The following MRM2 variants were observed in gnomAD, a reference collection of about 807,000 sequenced individuals.
The protein encoded by MRM2 is rRNA methyltransferase 2, mitochondrial.
MRM2 carries 15 observed loss-of-function variants against 10.9 expected under a neutral mutation model. The ratio of observed to expected loss-of-function variants is 1.37; its 90% CI spans 0.92 to 2.11. MRM2 has a LOEUF of 2.11. Among genes scored for constraint, MRM2 ranks in the 30% most tolerant of loss-of-function variants. The probability of loss-of-function intolerance (pLI) is 0.00; values close to 1 mark genes in which losing one functional copy is unlikely to be tolerated. For synonymous variants in MRM2, 139 were observed against 128.7 expected, an observed-to-expected ratio of 1.08 and a Z score of -0.54; for missense variants, 328 against 321.3, an observed-to-expected ratio of 1.02 and a Z score of -0.16.
Position 2,242,183 on chromosome 7 carries a change from G to C in MRM2, c.-14C>G. 9 of 1,579,608 alleles carry C rather than the reference G, an allele frequency of 5.7e-6. No homozygotes were observed. The highest frequency in any genetic ancestry group is 7.7e-6 in the Non-Finnish European group (9 of 1,168,240). On this transcript the variant is annotated 5_prime_UTR_variant, in exon 1 of 3. Transcript: ENST00000242257. ...TCACCCCGCCATTGGTGTTCCCCGC[G>C]CCTGCAGCGCGCCGCCGGAAGTGCC...
chr7:2,239,367 C>T, intron 2 of MRM2, 51 bp downstream of exon 2: 1 of 1,558,472 alleles, frequency 6.4e-7, no homozygotes, highest in East Asian at 2.3e-5. Context: ...TGCCCATGCC[C>T]ACTCAGCCTC....
Position 2,235,041 on chromosome 7 carries a change from C to A in MRM2, c.*81G>T. On this transcript the variant is annotated 3_prime_UTR_variant, in exon 3 of 3. Transcript: ENST00000242257. ...CATCTCCAAAATCAGCTCAAATCTC[C>A]CAGGAACTCTTCAGGAGCTCAGGCT... 1 of 1,092,984 alleles carries A rather than the reference C, an allele frequency of 9.1e-7. No homozygotes were observed. Among genetic ancestry groups the A allele is most frequent in the Non-Finnish European group, 1.4e-6 (1 of 736,430 alleles). The allele number at this position is 1,092,984 out of a possible 1,614,324, so 67.7% of individuals were successfully genotyped here.
In MRM2 at chr7:2,239,724, G is replaced by A. The variant is rs762551910; in HGVS notation, c.9-17C>T. 1 of 1,605,024 alleles carries A rather than the reference G, an allele frequency of 6.2e-7. No homozygotes were observed. On this transcript the variant is annotated splice_polypyrimidine_tract_variant and intron_variant, in intron 1 of 2. Coordinates refer to ENST00000242257, the MANE Select transcript of MRM2 (RefSeq NM_013393.3). ...TTCAAGTACCTGGTGGGAGAGAAGA[G>A]GAGCAGGCAGGTTGGCATCACACAG...
intron 1 of MRM2, among the ~76,000 whole-genome samples, chr7:2,240,536 G>GAACTA (rs1030717053): frequency 6.6e-6 from 1 of 151,746 alleles, no homozygotes; most frequent in African/African-American, 2.4e-5. Flanking sequence ...AAATAAAATT[G>GAACTA]AACTAAACCT....
Position 2,235,308 on chromosome 7 carries a change from C to T in MRM2, c.555G>A (p.Leu185=). 1 of 1,614,114 alleles carries T rather than the reference C, an allele frequency of 6.2e-7. No homozygotes were observed. The highest frequency in any genetic ancestry group is 1.7e-5 in the Admixed American group (1 of 60,020). Residue 185 remains leucine, a synonymous_variant, in exon 3 of 3, where the codon CTG becomes CTA. Transcript: ENST00000242257. The part of the protein sequence containing the change: ...LTLLSVTPDI[L]QPGGTFLCKT... The stretch of plus-strand genomic sequence containing the variant: ...TACAAAGGAATGTCCCCCCAGGTTG[C>T]AGGATGTCTGGGGTCACGCTGAGAA...
At chr7:2,237,965 G>C (rs1422557788) in intron 2 of MRM2, 1 of 152,074 alleles carries the variant, frequency 6.6e-6, no homozygotes, top group Admixed American at 6.6e-5. Context: ...TATGGGCAGG[G>C]GCCACCCAAG....
chr7:2,242,131 T>C (rs1273049517), intron 1 of MRM2, 31 bp downstream of exon 1: 1 of 1,583,680 alleles, frequency 6.3e-7, no homozygotes, highest in Non-Finnish European at 8.6e-7. Context: ...ACTCCCGCTG[T>C]CTGCACGCGC....
rs758404198 is a variant in MRM2, at chr7:2,237,302, G to A, written c.299-1738C>T. ...TGTGAGCCACTGCGCCCGGCCTCAC[G>A]CCTCACTTTATGCTCCTGAGCTTTC... On this transcript the variant is annotated intron_variant, in intron 2 of 2. Coordinates refer to ENST00000242257, the MANE Select transcript of MRM2 (RefSeq NM_013393.3). 7.9e-5 allele frequency among the ~76,000 whole-genome samples: 12 copies of A among 152,290 alleles called. No individual in the cohort carries two copies. The South Asian group carries it at 1.0e-3, about 13-fold the overall frequency.
chr7:2,237,091 A>C (rs1175437056), intron 2 of MRM2, among the ~76,000 whole-genome samples: 1 of 152,138 alleles, frequency 6.6e-6, no homozygotes, highest in East Asian at 1.9e-4. Context: ...TGCAGCCTTG[A>C]CTTCCCCAGG....
chr7:2,236,294 A>C (rs1242549687), intron 2 of MRM2, among the ~76,000 whole-genome samples: 1 of 152,234 alleles, frequency 6.6e-6, no homozygotes, highest in Non-Finnish European at 1.5e-5. Flanking sequence ...GGATTAAATC[A>C]AGAAATCCAT....
At chr7:2,235,770 A>C (rs1199285791) in intron 2 of MRM2, among the ~76,000 whole-genome samples, 1 of 152,232 alleles carries the variant, frequency 6.6e-6, no homozygotes, top group Non-Finnish European at 1.5e-5. Context: ...ACATCTGAGA[A>C]GCTGAGGCCC....
chr7:2,236,883 G>A (rs908245531), intron 2 of MRM2, among the ~76,000 whole-genome samples: 4 of 152,128 alleles, frequency 2.6e-5, no homozygotes, highest in Admixed American at 1.3e-4. Context: ...TTGAATGTAG[G>A]TACAGAGTGA....
chr7:2,234,941 TTA>T lies in MRM2; in HGVS notation c.*179_*180del. The T allele has an allele frequency of 1.7e-6, 1 of 597,044 alleles. No individual in the cohort carries two copies. The highest frequency in any genetic ancestry group is 3.1e-5 in the Admixed American group (1 of 32,278). The allele number at this position is 597,044 out of a possible 1,614,324, so 37.0% of individuals were successfully genotyped here. ...TTTTCATTTTCCATGGCCCCTGAAC[TTA>T]GTTTTGTCATCTCTTTTTGGTTAAA... On this transcript the variant is annotated 3_prime_UTR_variant, in exon 3 of 3. Coordinates refer to ENST00000242257, the MANE Select transcript of MRM2 (RefSeq NM_013393.3).
Position 2,235,114 on chromosome 7 carries a change from A to G in MRM2, c.*8T>C. On this transcript the variant is annotated 3_prime_UTR_variant, in exon 3 of 3. Coordinates refer to ENST00000242257, the MANE Select transcript of MRM2 (RefSeq NM_013393.3). ...TAATGACCATTATGAAAATGGCACA[A>G]GAAATCCTCACTGCTTCACAGTGCC... is the stretch of plus-strand genomic sequence containing the variant. The G allele has an allele frequency of 1.2e-6, 2 of 1,604,608 alleles. No homozygotes were observed. Among genetic ancestry groups the G allele is most frequent in the Non-Finnish European group, 1.7e-6 (2 of 1,172,382 alleles).
At chr7:2,235,675 A>G in intron 2 of MRM2, 111 bp from the exon 3 acceptor site, 1 of 742,450 alleles carries the variant, frequency 1.3e-6, no homozygotes, top group Non-Finnish European at 2.2e-6. Context: ...AGACCAAGGC[A>G]AAGAGCTAAT....
chr7:2,242,035 C>T, intron 1 of MRM2, 127 bp downstream of exon 1: 3 of 1,049,656 alleles, frequency 2.9e-6, no homozygotes, highest in East Asian at 3.2e-5. Flanking sequence ...CCCTGTCGCG[C>T]TCGCTGAGTG....
chr7:2,235,504 T>C lies in MRM2; in HGVS notation c.359A>G (p.Glu120Gly). ...GVDLLHIFPL[E>G]GATFLCPADV... ...AGCAGGGCACAGAAAAGTTGCTCCT[T>C]CCAGGGGGAATATGTGAAGAAGATC... The change falls in exon 3 of 3, where the codon GAA (glutamate) becomes GGA (glycine). Residue 120 changes from glutamate (E) to glycine (G), a missense_variant. Physicochemically the swap from Glu to Gly is moderately conservative, Grantham distance 98. Coordinates refer to ENST00000242257, the MANE Select transcript of MRM2 (RefSeq NM_013393.3). The C allele has an allele frequency of 6.2e-7, 1 of 1,613,874 alleles. No homozygotes were observed. The highest frequency in any genetic ancestry group is 2.2e-5 in the East Asian group (1 of 44,874).
At chr7:2,236,027 C>T (rs1378668881) in intron 2 of MRM2, among the ~76,000 whole-genome samples, 2 of 152,078 alleles carry the variant, frequency 1.3e-5, no homozygotes, top group East Asian at 3.9e-4. Flanking sequence ...GTCAGGACTT[C>T]GAGACCAGCC....
In MRM2 at chr7:2,235,379, A is replaced by G. The variant is rs1374315224; in HGVS notation, c.484T>C (p.Phe162Leu). ...AGCCTGTCATGATCGAGGTCCCGGAACCCTGTGGCATTGGGCGCCATGTCG... is the reference window on the plus strand; with the variant it reads ...AGCCTGTCATGATCGAGGTCCCGGAGCCCTGTGGCATTGGGCGCCATGTCG... ...LSDMAPNATG[F>L]RDLDHDRLIS... The change falls in exon 3 of 3, where the codon TTC (phenylalanine) becomes CTC (leucine). Residue 162 changes from phenylalanine to leucine, a missense_variant. Physicochemically the swap from Phe to Leu is conservative, Grantham distance 22. Coordinates refer to ENST00000242257, the MANE Select transcript of MRM2 (RefSeq NM_013393.3). The G allele has an allele frequency of 6.2e-7, 1 of 1,613,936 alleles. No homozygotes were observed. The highest frequency in any genetic ancestry group is 1.3e-5 in the African/African-American group (1 of 74,896).
Sources: gnomAD v4.1 joint callset for allele counts (sites outside exome capture counted in the v4.1 genomes callset) on GRCh38, gnomAD v4.1.1 for gene constraint, MANE v1.5 for transcripts, NCBI Gene and HGNC (gene_info 2026-07-23, HGNC 2026-07-21) for gene names.